ERC2: variants seen among roughly 807,000 people sequenced by gnomAD.
The protein encoded by ERC2 is ELKS/RAB6-interacting/CAST family member 2.
In ERC2, 42 loss-of-function variants were observed where a neutral mutation model predicts 114.8. The ratio of observed to expected loss-of-function variants is 0.37; its 90% CI spans 0.29 to 0.47. The LOEUF is 0.47. ERC2 is among the 20% of genes least tolerant of loss of function. The pLI is 0.99. For missense variants in ERC2, 939 were observed against 1,150.7 expected, an observed-to-expected ratio of 0.82 and a Z score of 2.66; for synonymous variants, 454 against 425.5, an observed-to-expected ratio of 1.07 and a Z score of -0.82.
intron 10 of ERC2, among the ~76,000 whole-genome samples, chr3:56,002,229 G>C (rs1246236966): frequency 2.0e-5 from 3 of 152,018 alleles, no homozygotes; most frequent in Non-Finnish European, 4.4e-5. Context: ...AAAAGTTGTG[G>C]GTGCAATTGT....
intron 12 of ERC2, among the ~76,000 whole-genome samples, chr3:55,972,743 G>C (rs1395037798): frequency 4.6e-5 from 7 of 152,184 alleles, no homozygotes; most frequent in Non-Finnish European, 8.8e-5. Context: ...ACATATGTGT[G>C]CATGTGTCTT....
chr3:55,867,332 G>A (rs1176457150), intron 14 of ERC2, among the ~76,000 whole-genome samples: 1 of 152,098 alleles, frequency 6.6e-6, no homozygotes, highest in Admixed American at 6.6e-5. Context: ...CCTAGCACAG[G>A]GCCTGGCATG....
intron 17 of ERC2, among the ~76,000 whole-genome samples, chr3:55,555,186 C>T (rs1406702124): frequency 1.3e-5 from 2 of 152,144 alleles, no homozygotes; most frequent in African/African-American, 4.8e-5. Context: ...ACACCAAAAC[C>T]CTAAACCTTT....
intron 14 of ERC2, among the ~76,000 whole-genome samples, chr3:55,764,079 T>C (rs976049696): frequency 1.3e-5 from 2 of 152,226 alleles, no homozygotes; most frequent in South Asian, 2.1e-4. Context: ...TTTGCGTTTC[T>C]GTATTTAGTT....
intron 17 of ERC2, among the ~76,000 whole-genome samples, chr3:55,626,320 G>A (rs1263352517): frequency 1.3e-5 from 2 of 152,162 alleles, no homozygotes; most frequent in Non-Finnish European, 2.9e-5. Flanking sequence ...GTACTGATCA[G>A]CACCAATGAT....
chr3:56,133,880 A>T (rs1226373434), intron 6 of ERC2, among the ~76,000 whole-genome samples: 1 of 152,216 alleles, frequency 6.6e-6, no homozygotes, highest in Non-Finnish European at 1.5e-5. Flanking sequence ...AATATTATCA[A>T]ATGACACCTC....
At chr3:56,286,328 C>G (rs1053684048) in intron 3 of ERC2, among the ~76,000 whole-genome samples, 4 of 145,722 alleles carry the variant, frequency 2.7e-5, no homozygotes, top group Admixed American at 7.1e-5. Context: ...GCAGGAGAAT[C>G]GCTTGAACCC....
chr3:55,519,920 T>C (rs984428700), intron 17 of ERC2, among the ~76,000 whole-genome samples: 2 of 151,952 alleles, frequency 1.3e-5, no homozygotes, highest in African/African-American at 4.8e-5. Context: ...CCAGGTGTGG[T>C]GGCAGGTGCC....
chr3:56,323,770 A>C (rs942749421), intron 2 of ERC2, among the ~76,000 whole-genome samples: 1 of 152,206 alleles, frequency 6.6e-6, no homozygotes, highest in East Asian at 1.9e-4. Context: ...CTGCAGCAAG[A>C]GTCACAGCCT....
rs531439967 is a variant in ERC2 at position 55,955,230 on chromosome 3, T to A, written c.2268-4670A>T. 2.2e-5 allele frequency: 11 copies of A among 494,156 alleles called. No individual in the cohort carries two copies. In the East Asian group the frequency reaches 6.3e-4, roughly 29 times the overall value. 30.6% of individuals were successfully genotyped at this position (494,156 alleles called of 1,614,324 possible). A position where few individuals can be genotyped will look rare whatever the true frequency, so the allele number is the denominator to read the frequency against. On this transcript the variant is annotated intron_variant, in intron 12 of 17. Transcript: ENST00000288221. ...GGGAGGAAATGGGATCTTCAATTTA[T>A]ACTGTATGGTGGTGTGTTTGTGTGT...
chr3:56,286,608 T>C (rs142816858), intron 3 of ERC2, among the ~76,000 whole-genome samples: 3 of 152,258 alleles, frequency 2.0e-5, no homozygotes, highest in Admixed American at 1.3e-4. Context: ...ACTTACTTAT[T>C]ATCTAATTCA....
At chr3:55,589,672 C>T (rs978157048) in intron 17 of ERC2, among the ~76,000 whole-genome samples, 1 of 152,004 alleles carries the variant, frequency 6.6e-6, no homozygotes, top group Non-Finnish European at 1.5e-5. Context: ...AACTCGTGGA[C>T]AGAGGCATGG....
intron 14 of ERC2, among the ~76,000 whole-genome samples, chr3:55,747,002 T>C (rs1285691817): frequency 6.6e-6 from 1 of 152,242 alleles, no homozygotes; most frequent in East Asian, 1.9e-4. Flanking sequence ...GTCTGCCATC[T>C]TGTGGCCATT....
intron 3 of ERC2, among the ~76,000 whole-genome samples, chr3:56,174,053 T>G (rs1445533497): frequency 6.6e-6 from 1 of 152,240 alleles, no homozygotes; most frequent in East Asian, 1.9e-4. Flanking sequence ...ATTTACAGTT[T>G]CAGTCCTTGT....
chr3:55,818,476 A>C (rs2059988165), intron 14 of ERC2, among the ~76,000 whole-genome samples: 1 of 152,246 alleles, frequency 6.6e-6, no homozygotes, highest in South Asian at 2.1e-4. Flanking sequence ...GATTTCTATG[A>C]AACACACAGT....
intron 2 of ERC2, among the ~76,000 whole-genome samples, chr3:56,363,476 G>T (rs2059035034): frequency 6.6e-6 from 1 of 152,142 alleles, no homozygotes; most frequent in Non-Finnish European, 1.5e-5. Context: ...AGGTGTACAT[G>T]ACTGAATTAG....
intron 7 of ERC2, among the ~76,000 whole-genome samples, chr3:56,043,138 A>AT (rs1461343808): frequency 1.3e-5 from 2 of 152,288 alleles, no homozygotes; most frequent in East Asian, 3.9e-4. Flanking sequence ...GTGTAAAGTC[A>AT]TTTCTGCTGG....
chr3:56,340,797 G>C (rs1016429356), intron 2 of ERC2, among the ~76,000 whole-genome samples: 2 of 152,096 alleles, frequency 1.3e-5, no homozygotes, highest in Non-Finnish European at 2.9e-5. Flanking sequence ...CAATGAGCCA[G>C]ATTTATAGTT....
At chr3:56,044,715 T>G (rs1275474853) in intron 7 of ERC2, among the ~76,000 whole-genome samples, 37 of 152,144 alleles carry the variant, frequency 2.4e-4, no homozygotes, top group Non-Finnish European at 1.5e-5. Flanking sequence ...CCCTCCACAA[T>G]GTTGTTATAA....
Sources: allele counts gnomAD v4.1 joint callset (sites outside exome capture counted in the v4.1 genomes callset), GRCh38; gene constraint gnomAD v4.1.1; transcripts MANE v1.5; gene names NCBI Gene and HGNC (gene_info 2026-07-23, HGNC 2026-07-21).